The following DBH variants were observed in gnomAD, a reference collection of about 807,000 sequenced individuals.
The protein encoded by DBH is dopamine beta-hydroxylase (dopamine beta-monooxygenase).
DBH carries 49 observed loss-of-function variants against 64.0 expected under a neutral mutation model. The ratio of observed to expected loss-of-function variants is 0.77; its 90% CI spans 0.61 to 0.97. The LOEUF (loss-of-function observed/expected upper bound fraction) is 0.97. DBH is among the 50% of genes least tolerant of loss of function. DBH has a pLI of 0.00. For synonymous variants in DBH, 343 were observed against 347.1 expected (o/e 0.99, Z 0.13); for missense variants, 828 against 826.6 (o/e 1.00, Z -0.02).
chr9:133,643,372 G>A lies in DBH; in HGVS notation c.745-41G>A, dbSNP rs767453795. The A allele has an allele frequency of 6.2e-7, 1 of 1,609,832 alleles. No homozygotes were observed. The highest frequency in any genetic ancestry group is 2.2e-5 in the East Asian group (1 of 44,790). On this transcript the variant is annotated intron_variant, in intron 3 of 11. Coordinates refer to ENST00000393056, the MANE Select transcript of DBH (RefSeq NM_000787.4). The surrounding 1 kb of genome is among the most constrained non-coding windows in gnomAD (Gnocchi z 5.3). ...GGAGGGCTGCTGGGGAGGGGAGGGT[G>A]GGCGGCCGGTTCCCGGGCTCAGAGG...
In DBH at chr9:133,652,945, T is replaced by A. The variant is rs140083168; in HGVS notation, c.1380T>A (p.Asp460Glu). 5.0e-6 allele frequency: 8 copies of A among 1,613,392 alleles called. No homozygotes were observed. In the African/African-American group the frequency reaches 8.0e-5, roughly 16 times the overall value. Reference protein sequence around the residue: ...LKKVVSVHPGDVLITSCTYNT... With the variant: ...LKKVVSVHPGEVLITSCTYNT... ...TCACATTGGCTTTTCCTCAGGGAGA[T>A]GTGCTCATCACCTCCTGCACGTACA... Residue 460 changes from aspartate (D) to glutamate (E), a missense_variant, in exon 9 of 12, where the codon GAT becomes GAA. Physicochemically the swap from Asp to Glu is conservative, Grantham distance 45. Coordinates refer to ENST00000393056, the MANE Select transcript of DBH (RefSeq NM_000787.4).
rs143151641 is a variant in DBH, at chr9:133,636,686, C to T, written c.315C>T (p.Thr105=). The T allele has an allele frequency of 2.1e-4, 332 of 1,605,086 alleles. 1 individual carries two copies. In the African/African-American group the frequency reaches 3.6e-3, roughly 18 times the overall value. Residue 105 remains threonine (T), a synonymous_variant, in exon 1 of 12, where the codon ACC becomes ACT. Transcript: ENST00000393056. ...LENADLVVLW[T]DGDTAYFADA... is the part of the protein sequence containing the mutation. ...ACGCAGATCTCGTGGTGCTCTGGACCGATGGGGACACTGCCTATTTTGCGG... is the reference window on the plus strand; with the variant it reads ...ACGCAGATCTCGTGGTGCTCTGGACTGATGGGGACACTGCCTATTTTGCGG...
intron 4 of DBH, 22 bp from the exon 5 acceptor site, chr9:133,644,196 T>C: frequency 6.3e-7 from 1 of 1,589,602 alleles, no homozygotes. Context: ...CACCCGTCTG[T>C]CTGACACCTT....
At position 133,644,254 on chromosome 9, in the gene DBH, G is replaced by A. The variant is rs896285959; in HGVS notation, c.958G>A (p.Gly320Arg). 19 of 1,613,984 alleles carry A rather than the reference G, an allele frequency of 1.2e-5. No homozygotes were observed. Among genetic ancestry groups the A allele is most frequent in the African/African-American group, 5.3e-5 (4 of 74,900 alleles). ...CCCAGAGGAAGCCGGCCTTGCCTTC[G>A]GGGGTCCAGGGTCCTCCAGATATCT... ...YYPEEAGLAF[G>R]GPGSSRYLRL... is the part of the protein sequence containing the mutation. The change falls in exon 5 of 12, where the codon GGG becomes AGG. Residue 320 changes from glycine (G) to arginine (R), a missense_variant. Coordinates refer to ENST00000393056, the MANE Select transcript of DBH (RefSeq NM_000787.4).
In DBH at chr9:133,658,448, G is replaced by T; in HGVS notation, c.*1G>T. ...CAGCATTGGTGGGGGCAAAGGCTGA[G>T]GGGGGACCTACTCCTCCCCCTCCTC... On this transcript the variant is annotated 3_prime_UTR_variant, in exon 12 of 12. Coordinates refer to ENST00000393056, the MANE Select transcript of DBH (RefSeq NM_000787.4). 6.2e-7 allele frequency: 1 copy of T among 1,605,098 alleles called. No homozygotes were observed. The highest frequency in any genetic ancestry group is 8.5e-7 in the Non-Finnish European group (1 of 1,174,390).
intron 11 of DBH, among the ~76,000 whole-genome samples, chr9:133,657,490 A>G (rs962224702): frequency 1.4e-5 from 2 of 145,760 alleles, no homozygotes; most frequent in South Asian, 2.2e-4. Context: ...GAGAGAGGAG[A>G]GAGAGAGGAG....
Position 133,644,392 on chromosome 9 carries a change from G to A in DBH, c.1024+72G>A, listed in dbSNP as rs1611128. On this transcript the variant is annotated intron_variant, in intron 5 of 11. Transcript: ENST00000393056. ...TGTGTTGAGCCAGTGAGCAAATCCC[G>A]CCCTTCGTCTGCCCAGCATGGTGCC... 0.28 allele frequency: 355,376 copies of A among 1,254,308 alleles called. 57,133 individuals are homozygous for A. Among genetic ancestry groups the A allele is most frequent in the Non-Finnish European group, 0.34 (288,967 of 858,802 alleles). The allele number at this position is 1,254,308 out of a possible 1,614,324, so 77.7% of individuals were successfully genotyped here.
At position 133,644,328 on chromosome 9, in the gene DBH, G is replaced by T. The variant is rs1554733832; in HGVS notation, c.1024+8G>T. On this transcript the variant is annotated splice_region_variant and intron_variant, in intron 5 of 11. Transcript: ENST00000393056. Reference sequence around the variant, plus strand: ...ACCCACTGGTGATAGAAGGTAGGCGGCTCTGCTGCCATCCTCCTCAGAAGC... The same window carrying T: ...ACCCACTGGTGATAGAAGGTAGGCGTCTCTGCTGCCATCCTCCTCAGAAGC... The T allele has an allele frequency of 6.2e-7, 1 of 1,608,658 alleles. No individual in the cohort carries two copies. Among genetic ancestry groups the T allele is most frequent in the South Asian group, 1.1e-5 (1 of 90,968 alleles).
rs745670077 is a variant in DBH, at chr9:133,657,236, T to A, written c.1722+7T>A. 6.2e-7 allele frequency: 1 copy of A among 1,613,634 alleles called. No homozygotes were observed. The highest frequency in any genetic ancestry group is 8.5e-7 in the Non-Finnish European group (1 of 1,180,016). ...CTCAGCCGTCCGCTTCCAGGTGCGC[T>A]GCCATGGGCCCGGGTGGGGCATGCA... On this transcript the variant is annotated splice_region_variant and intron_variant, in intron 11 of 11. Coordinates refer to ENST00000393056, the MANE Select transcript of DBH (RefSeq NM_000787.4).
chr9:133,653,776 C>A (rs1380643201), intron 9 of DBH, among the ~76,000 whole-genome samples: 1 of 152,206 alleles, frequency 6.6e-6, no homozygotes, highest in Non-Finnish European at 1.5e-5. Context: ...ACACGGGCAG[C>A]CACGTGATGC....
At chr9:133,649,630 A>G (rs1832221519) in intron 6 of DBH, among the ~76,000 whole-genome samples, 1 of 152,214 alleles carries the variant, frequency 6.6e-6, no homozygotes, top group South Asian at 2.1e-4. Flanking sequence ...CATGGCACCC[A>G]TTGTCTCCGG....
Position 133,657,198 on chromosome 9 carries a change from A to T in DBH, c.1691A>T (p.His564Leu). The part of the protein sequence containing the change: ...ALYSFAPISM[H>L]CNKSSAVRFQ... ...TACAGCTTCGCGCCCATCTCCATGC[A>T]CTGCAACAAGTCCTCAGCCGTCCGC... The change falls in exon 11 of 12, where the codon CAC (histidine) becomes CTC (leucine). Residue 564 changes from histidine to leucine, a missense_variant. By Grantham distance (99) the His-to-Leu change is moderately conservative (BLOSUM62 -3). Transcript: ENST00000393056. The T allele has an allele frequency of 6.2e-7, 1 of 1,614,090 alleles. No individual in the cohort carries two copies. Among genetic ancestry groups the T allele is most frequent in the Non-Finnish European group, 8.5e-7 (1 of 1,180,014 alleles).
intron 8 of DBH, among the ~76,000 whole-genome samples, chr9:133,652,485 C>T (rs905768216): frequency 3.9e-5 from 6 of 152,080 alleles, no homozygotes; most frequent in South Asian, 2.1e-4. Context: ...CATGGAGAGA[C>T]GTTGGAAAGA....
In DBH at chr9:133,658,519, G is replaced by T; in HGVS notation, c.*72G>T. The T allele has an allele frequency of 6.8e-7, 1 of 1,473,410 alleles. No individual in the cohort carries two copies. The highest frequency in any genetic ancestry group is 9.1e-7 in the Non-Finnish European group (1 of 1,102,272). 91.3% of individuals were successfully genotyped at this position (1,473,410 alleles called of 1,614,324 possible). A position where few individuals can be genotyped will look rare whatever the true frequency, so the allele number is the denominator to read the frequency against. On this transcript the variant is annotated 3_prime_UTR_variant, in exon 12 of 12. Transcript: ENST00000393056. ...ACACCGGCACTGTGCACTCTACTCT[G>T]CGACGATCCCCATGGAACAGCCCTG...
In DBH at chr9:133,658,312, G is replaced by C; in HGVS notation, c.1723-4G>C. The C allele has an allele frequency of 6.2e-7, 1 of 1,613,838 alleles. No individual in the cohort carries two copies. The stretch of plus-strand genomic sequence containing the variant: ...CAGTTTACCTCCTGCCCCCTTCCTT[G>C]CAGGGTGAATGGAACCTGCAGCCCC... On this transcript the variant is annotated splice_region_variant and splice_polypyrimidine_tract_variant and intron_variant, in intron 11 of 11. Coordinates refer to ENST00000393056, the MANE Select transcript of DBH (RefSeq NM_000787.4).
intron 2 of DBH, among the ~76,000 whole-genome samples, chr9:133,641,633 C>T (rs555405446): frequency 1.1e-4 from 16 of 152,376 alleles, no homozygotes; most frequent in African/African-American, 2.9e-4. Context: ...GCCAGCCCCA[C>T]AGCTTGCCTC....
intron 6 of DBH, among the ~76,000 whole-genome samples, chr9:133,650,551 CTTTT>C (rs5901024): frequency 8.9e-6 from 1 of 112,386 alleles, no homozygotes. Flanking sequence ...TCCTTCCTTT[CTTTT>C]TTTTTTTTTT....
In DBH at chr9:133,658,435, GGGCAAA is replaced by G. The variant is rs1487455636; in HGVS notation, c.1846_1851del (p.Lys616_Gly617del). ...GCCCCACCGTTGTCAGCATTGGTGGGGGCAAAGGCTGAGGGGGGACCTACTCCTCCC... is the reference window on the plus strand; with the variant it reads ...GCCCCACCGTTGTCAGCATTGGTGGGGGCTGAGGGGGGACCTACTCCTCCC... On this transcript the variant is annotated inframe_deletion, in exon 12 of 12. Coordinates refer to ENST00000393056, the MANE Select transcript of DBH (RefSeq NM_000787.4). The G allele has an allele frequency of 4.3e-6, 7 of 1,610,284 alleles. No individual in the cohort carries two copies. The highest frequency in any genetic ancestry group is 5.9e-6 in the Non-Finnish European group (7 of 1,177,600).
intron 2 of DBH, 119 bp from the exon 3 acceptor site, chr9:133,642,088 A>G (rs1259355585): frequency 7.2e-7 from 1 of 1,393,006 alleles, no homozygotes; most frequent in East Asian, 2.3e-5. Context: ...TTATTCACAG[A>G]GATGAGAGTG....
Sources: gnomAD v4.1 joint callset for allele counts (sites outside exome capture counted in the v4.1 genomes callset) on GRCh38, gnomAD v4.1.1 for gene constraint, Gnocchi (gnomAD v3.1) non-coding constraint, MANE v1.5 for transcripts, NCBI Gene and HGNC (gene_info 2026-07-23, HGNC 2026-07-21) for gene names.